The following IQGAP1 variants were observed in gnomAD, a reference collection of about 807,000 sequenced individuals.
IQGAP1 encodes the protein ras GTPase-activating-like protein IQGAP1.
Under a neutral mutation model 215.6 loss-of-function variants are expected in IQGAP1, and 66 were observed. The observed-to-expected ratio is 0.31, with a 90% CI of 0.25 to 0.38. The LOEUF is 0.38. IQGAP1 is among the 10% of genes least tolerant of loss of function. IQGAP1 has a pLI of 1.00. For missense variants in IQGAP1, 1,712 were observed against 1,997.1 expected, an observed-to-expected ratio of 0.86 and a Z score of 2.72; for synonymous variants, 772 against 728.7, an observed-to-expected ratio of 1.06 and a Z score of -0.96.
At chr15:90,468,123 A>T (rs1965857399) in intron 18 of IQGAP1, among the ~76,000 whole-genome samples, 1 of 151,742 alleles carries the variant, frequency 6.6e-6, no homozygotes, top group African/African-American at 2.4e-5. Context: ...GCTGGAGTGC[A>T]GTGGTGCATT....
At chr15:90,487,640 GC>G in intron 33 of IQGAP1, 58 bp downstream of exon 33, 1 of 1,158,856 alleles carries the variant, frequency 8.6e-7, no homozygotes, top group Non-Finnish European at 1.3e-6. Flanking sequence ...CCCGATAGGC[GC>G]ATGTCAGAGA....
intron 4 of IQGAP1, among the ~76,000 whole-genome samples, chr15:90,430,436 CATTGATT>C (rs1329654173): frequency 9.2e-5 from 14 of 152,040 alleles, no homozygotes; most frequent in African/African-American, 3.4e-4. Flanking sequence ...GATTTTTTAG[CATTGATT>C]ATGATAGAAA....
In IQGAP1 at chr15:90,408,697, G is replaced by A. The variant is rs78213280; in HGVS notation, c.156-17413G>A. Among the ~76,000 whole-genome samples, 63 of 152,202 alleles carry A rather than the reference G, an allele frequency of 4.1e-4. No homozygotes were observed. The East Asian group carries it at 0.01, about 24-fold the overall frequency. The stretch of plus-strand genomic sequence containing the variant: ...ATCCCTGTCTCTACCTTCCTGCATC[G>A]TGGCTTGATGACATCTATTTTCTCT... On this transcript the variant is annotated intron_variant, in intron 2 of 37. Transcript: ENST00000268182.
chr15:90,477,213 A>C lies in IQGAP1; in HGVS notation c.3087A>C (p.Ala1029=). ...EYLLLRLFKT[A]LQEEIKSKVD... is the part of the protein sequence containing the mutation. The stretch of plus-strand genomic sequence containing the variant: ...TGCTCCTGCGGCTCTTTAAGACAGC[A>C]CTCCAAGAGGAAATCAAGTATGAAC... Residue 1029 remains alanine, a synonymous_variant, in exon 25 of 38, where the codon GCA becomes GCC. Transcript: ENST00000268182. 6.2e-7 allele frequency: 1 copy of C among 1,613,998 alleles called. No homozygotes were observed. Among genetic ancestry groups the C allele is most frequent in the Non-Finnish European group, 8.5e-7 (1 of 1,179,988 alleles).
intron 4 of IQGAP1, among the ~76,000 whole-genome samples, chr15:90,432,173 T>A (rs1329795597): frequency 6.6e-6 from 1 of 152,126 alleles, no homozygotes; most frequent in Non-Finnish European, 1.5e-5. Flanking sequence ...ACCTAGAATT[T>A]TTCATATCTA....
At chr15:90,493,324 T>C (rs1966231417) in intron 35 of IQGAP1, among the ~76,000 whole-genome samples, 1 of 152,094 alleles carries the variant, frequency 6.6e-6, no homozygotes, top group Non-Finnish European at 1.5e-5. Context: ...TAAGGAATAT[T>C]ATACAAATTT....
chr15:90,443,226 A>C (rs1965477610), intron 8 of IQGAP1, among the ~76,000 whole-genome samples, 168 bp from the exon 9 acceptor site: 2 of 152,136 alleles, frequency 1.3e-5, no homozygotes, highest in African/African-American at 4.8e-5. Context: ...CTTCCAAAGC[A>C]CTGGGATTAC....
In IQGAP1 at chr15:90,431,094, CGT is replaced by C. The variant is rs1965296708; in HGVS notation, c.390+1429_390+1430del. On this transcript the variant is annotated intron_variant, in intron 4 of 37. Transcript: ENST00000268182. ...TATTACAACATGTAATTATATATTACGTATATAGTATATTGATATGTATACAA... is the reference window on the plus strand; with the variant it reads ...TATTACAACATGTAATTATATATTACATATAGTATATTGATATGTATACAA... 2.0e-5 allele frequency: 3 copies of C among 148,342 alleles called. No homozygotes were observed. In the South Asian group the frequency reaches 6.3e-4, roughly 31 times the overall value. 9.2% of individuals were successfully genotyped at this position (148,342 alleles called of 1,614,324 possible).
chr15:90,490,236 G>T (rs771134976), intron 33 of IQGAP1, among the ~76,000 whole-genome samples: 5 of 152,258 alleles, frequency 3.3e-5, no homozygotes, highest in African/African-American at 7.2e-5. Flanking sequence ...GAAGTATTGA[G>T]AGTAAACAGA....
At chr15:90,407,827 A>C (rs1200295436) in intron 2 of IQGAP1, among the ~76,000 whole-genome samples, 2 of 152,218 alleles carry the variant, frequency 1.3e-5, no homozygotes, top group Non-Finnish European at 2.9e-5. Context: ...ACACTCTGGG[A>C]GAACTGAAGA....
intron 26 of IQGAP1, 132 bp from the exon 27 acceptor site, chr15:90,481,828 C>G: frequency 2.2e-6 from 2 of 909,212 alleles, no homozygotes; most frequent in Non-Finnish European, 3.3e-6. Context: ...TTATCACTTA[C>G]CAGCCCCGTG....
Position 90,454,542 on chromosome 15 carries a change from G to T in IQGAP1, c.1602G>T (p.Glu534Asp), listed in dbSNP as rs143727479. ...ACCATGTGAACCTGGTGGTGCAAGA[G>T]GAACATGAGAGTGAGTTATCTTCCT... ...CVDHVNLVVQ[E>D]EHERILAIGL... Residue 534 changes from glutamate (E) to aspartate (D), a missense_variant, in exon 14 of 38, where the codon GAG (glutamate) becomes GAT (aspartate). By Grantham distance (45) the Glu-to-Asp change is conservative (BLOSUM62 2). Transcript: ENST00000268182. 1.7e-4 allele frequency: 268 copies of T among 1,574,102 alleles called. No individual in the cohort carries two copies. The African/African-American group carries it at 3.3e-3, about 19-fold the overall frequency.
intron 34 of IQGAP1, 148 bp from the exon 35 acceptor site, chr15:90,492,397 C>T (rs1408081754): frequency 1.6e-5 from 9 of 579,652 alleles, no homozygotes; most frequent in African/African-American, 1.5e-4. Context: ...ACTGCACACT[C>T]GAGCCTGGGC....
intron 15 of IQGAP1, among the ~76,000 whole-genome samples, chr15:90,463,065 TG>T (rs1965785111): frequency 3.1e-5 from 2 of 64,816 alleles, no homozygotes; most frequent in Non-Finnish European, 6.2e-5. Context: ...TGGGATGAGG[TG>T]TAGTGTATGC....
At chr15:90,437,019 A>T (rs1426865551) in intron 5 of IQGAP1, among the ~76,000 whole-genome samples, 1 of 152,240 alleles carries the variant, frequency 6.6e-6, no homozygotes, top group Non-Finnish European at 1.5e-5. Context: ...GAGACTGGGT[A>T]ATTCATAAAG....
chr15:90,460,841 A>G (rs1371563263), intron 15 of IQGAP1, among the ~76,000 whole-genome samples: 1 of 151,892 alleles, frequency 6.6e-6, no homozygotes, highest in Non-Finnish European at 1.5e-5. Flanking sequence ...TTAACGAAAA[A>G]TAAAAATATT....
chr15:90,466,148 C>T (rs1965827796), intron 16 of IQGAP1, 57 bp downstream of exon 16: 2 of 1,583,530 alleles, frequency 1.3e-6, no homozygotes, highest in Non-Finnish European at 1.7e-6. Context: ...CAAGGTGCTC[C>T]GTACAGCTTG....
chr15:90,447,918 A>G (rs1210403172), intron 9 of IQGAP1, among the ~76,000 whole-genome samples: 4 of 152,150 alleles, frequency 2.6e-5, no homozygotes, highest in Admixed American at 6.6e-5. Context: ...GGAAAGGGGA[A>G]GATGACCCCT....
chr15:90,417,289 A>G (rs908254372), intron 2 of IQGAP1, among the ~76,000 whole-genome samples: 5 of 152,180 alleles, frequency 3.3e-5, no homozygotes, highest in African/African-American at 9.7e-5. Flanking sequence ...GCCCATGTCT[A>G]TGTCCTGAAT....
Sources: allele counts gnomAD v4.1 joint callset (sites outside exome capture counted in the v4.1 genomes callset), GRCh38; gene constraint gnomAD v4.1.1; transcripts MANE v1.5; gene names NCBI Gene and HGNC (gene_info 2026-07-23, HGNC 2026-07-21).